The following NCAM1 variants were observed in gnomAD, a reference collection of about 807,000 sequenced individuals.
The protein encoded by NCAM1 is neural cell adhesion molecule 1, also known as antigen recognized by monoclonal antibody 5.1H11.
In NCAM1, 14 loss-of-function variants were observed where a neutral mutation model predicts 109.8. The ratio of observed to expected loss-of-function variants is 0.13; its 90% CI spans 0.08 to 0.20. The LOEUF is 0.20. Among genes scored for constraint, NCAM1 ranks in the 10% least tolerant of loss-of-function variants. The pLI is 1.00. For missense variants in NCAM1, 774 were observed against 1,109.9 expected (o/e 0.70, Z 4.30); for synonymous variants, 418 against 442.9 (o/e 0.94, Z 0.70).
At chr11:113,068,558 G>A (rs565610279) in intron 1 of NCAM1, among the ~76,000 whole-genome samples, 3 of 152,162 alleles carry the variant, frequency 2.0e-5, no homozygotes, top group Non-Finnish European at 4.4e-5. Flanking sequence ...AATCATATAG[G>A]TTGTTCATTT....
At chr11:112,981,532 A>G (rs1951154668) in intron 1 of NCAM1, among the ~76,000 whole-genome samples, 1 of 151,924 alleles carries the variant, frequency 6.6e-6, no homozygotes, top group Non-Finnish European at 1.5e-5. Flanking sequence ...ATGGGATACC[A>G]TAGATACCCC....
At chr11:113,037,078 T>A (rs1197354692) in intron 1 of NCAM1, among the ~76,000 whole-genome samples, 1 of 152,186 alleles carries the variant, frequency 6.6e-6, no homozygotes, top group Non-Finnish European at 1.5e-5. Context: ...AGTCTTTATA[T>A]CTGAGTTTTT....
Position 113,202,397 on chromosome 11 carries a change from T to C in NCAM1, c.71T>C (p.Ile24Thr). 1 of 1,611,114 alleles carries C rather than the reference T, an allele frequency of 6.2e-7. No individual in the cohort carries two copies. The highest frequency in any genetic ancestry group is 8.5e-7 in the Non-Finnish European group (1 of 1,178,034). Residue 24 changes from isoleucine to threonine, a missense_variant, in exon 2 of 20, where the codon ATT becomes ACT. By Grantham distance (89) the Ile-to-Thr change is moderately conservative. This residue lies in a region of NCAM1 where 112 missense variants were observed against 142.0 expected (regional missense o/e 0.79). Coordinates refer to ENST00000316851, the MANE Select transcript of NCAM1 (RefSeq NM_181351.5). ...LGTAVSLQVD[I>T]VPSQGEISVG... is the part of the protein sequence containing the mutation. The stretch of plus-strand genomic sequence containing the variant: ...TTTTCAGTTTCTCTGCAGGTGGATA[T>C]TGTTCCCAGCCAGGGGGAGATCAGC...
intron 1 of NCAM1, among the ~76,000 whole-genome samples, chr11:113,123,251 C>G (rs781914716): frequency 1.3e-5 from 2 of 152,010 alleles, no homozygotes; most frequent in Admixed American, 1.3e-4. Flanking sequence ...ACGTTCCTGG[C>G]GATGGATAAT....
chr11:113,147,850 G>T (rs1354541837), intron 1 of NCAM1, among the ~76,000 whole-genome samples: 1 of 152,040 alleles, frequency 6.6e-6, no homozygotes, highest in Admixed American at 6.6e-5. Flanking sequence ...TCCACATTAC[G>T]CCATGAAAAA....
At chr11:113,245,218 G>C (rs966218108) in intron 14 of NCAM1, among the ~76,000 whole-genome samples, 2 of 152,180 alleles carry the variant, frequency 1.3e-5, no homozygotes, top group Non-Finnish European at 2.9e-5. Context: ...ACTTTGGGAG[G>C]CTGAGGTGGA....
At chr11:113,197,970 A>G (rs1214700539) in intron 1 of NCAM1, among the ~76,000 whole-genome samples, 8 of 152,182 alleles carry the variant, frequency 5.3e-5, no homozygotes, top group Non-Finnish European at 8.8e-5. Context: ...CAAAACATCT[A>G]TCTACACCTG....
At chr11:113,120,436 G>T (rs971075382) in intron 1 of NCAM1, among the ~76,000 whole-genome samples, 1 of 152,164 alleles carries the variant, frequency 6.6e-6, no homozygotes. Context: ...CCTTAATGAA[G>T]GACCTTTAGC....
In NCAM1 at chr11:113,075,849, A is replaced by G. The variant is rs116935031; in HGVS notation, c.52+114185A>G. ...GTTGTTAGGAATCACTAATGAAACA[A>G]TGTCAACTGCAAAGTGCTGTTTAAA... On this transcript the variant is annotated intron_variant, in intron 1 of 19. Transcript: ENST00000316851. Among the ~76,000 whole-genome samples, 782 of 152,338 alleles carry G rather than the reference A, an allele frequency of 5.1e-3. 6 individuals are homozygous for G. Among genetic ancestry groups the G allele is most frequent in the Non-Finnish European group, 8.0e-3 (547 of 68,026 alleles).
At chr11:113,076,315 T>C (rs969725954) in intron 1 of NCAM1, among the ~76,000 whole-genome samples, 1 of 152,226 alleles carries the variant, frequency 6.6e-6, no homozygotes. Flanking sequence ...CACACTCGCA[T>C]TTGTCCATCC....
At chr11:113,242,648 A>G (rs1280067441) in intron 14 of NCAM1, among the ~76,000 whole-genome samples, 9 of 152,194 alleles carry the variant, frequency 5.9e-5, no homozygotes, top group African/African-American at 2.2e-4. Flanking sequence ...TTGATAGAGA[A>G]GAGAGAGAAT....
rs11214462 is a variant in NCAM1, at chr11:113,019,047, C to T, written c.52+57383C>T. On this transcript the variant is annotated intron_variant, in intron 1 of 19. Coordinates refer to ENST00000316851, the MANE Select transcript of NCAM1 (RefSeq NM_181351.5). Reference sequence around the variant, plus strand: ...GTCATAGATGAGAGGATCCCTTCCACGTGAAATGCCCCAAATGAAGTGTGA... The same window carrying T: ...GTCATAGATGAGAGGATCCCTTCCATGTGAAATGCCCCAAATGAAGTGTGA... Among the ~76,000 whole-genome samples the T allele has an allele frequency of 1.3e-3, 205 of 152,152 alleles. 2 individuals are homozygous for T. Among genetic ancestry groups the T allele is most frequent in the African/African-American group, 4.7e-3 (197 of 41,526 alleles).
intron 1 of NCAM1, among the ~76,000 whole-genome samples, chr11:113,135,297 T>C (rs992909410): frequency 1.6e-4 from 25 of 152,280 alleles, no homozygotes; most frequent in African/African-American, 3.6e-4. Flanking sequence ...TTTTTTTAAA[T>C]GTCATCTGTA....
At chr11:113,208,925 C>G (rs1167531303) in intron 7 of NCAM1, among the ~76,000 whole-genome samples, 2 of 152,228 alleles carry the variant, frequency 1.3e-5, no homozygotes, top group East Asian at 3.8e-4. Flanking sequence ...CTTCCCTGAC[C>G]TGTGCAAAAC....
At chr11:113,038,887 G>A (rs1218606510) in intron 1 of NCAM1, among the ~76,000 whole-genome samples, 1 of 152,148 alleles carries the variant, frequency 6.6e-6, no homozygotes, top group Non-Finnish European at 1.5e-5. Flanking sequence ...TGCTTTCTTG[G>A]GAGAAACGAG....
intron 1 of NCAM1, among the ~76,000 whole-genome samples, chr11:113,076,394 T>C (rs1938527016): frequency 6.6e-6 from 1 of 152,152 alleles, no homozygotes; most frequent in Non-Finnish European, 1.5e-5. Context: ...CCCAAATGCA[T>C]AGCCATGGCC....
intron 1 of NCAM1, among the ~76,000 whole-genome samples, chr11:113,057,713 G>A (rs377534552): frequency 6.6e-6 from 1 of 152,182 alleles, no homozygotes; most frequent in Non-Finnish European, 1.5e-5. Flanking sequence ...TAGTTTCCTA[G>A]CATGAGTAAC....
At position 113,072,492 on chromosome 11, in the gene NCAM1, GA is replaced by G. The variant is rs546817353; in HGVS notation, c.52+110837del. 8.0e-5 allele frequency among the ~76,000 whole-genome samples: 12 copies of G among 150,936 alleles called. No homozygotes were observed. In the South Asian group the frequency reaches 1.5e-3, roughly 19 times the overall value. On this transcript the variant is annotated intron_variant, in intron 1 of 19. Coordinates refer to ENST00000316851, the MANE Select transcript of NCAM1 (RefSeq NM_181351.5). The stretch of plus-strand genomic sequence containing the variant: ...GTGGTGCTTGGGATAACTAGAGAGA[GA>G]AAAAAAAAGCCAAATAAATCTAGAC...
chr11:113,221,463 C>G, intron 9 of NCAM1, 138 bp downstream of exon 9: 1 of 851,906 alleles, frequency 1.2e-6, no homozygotes, highest in South Asian at 1.7e-5. Context: ...GTAGACATTA[C>G]TTAGCAATAG....
Sources: allele counts gnomAD v4.1 joint callset (sites outside exome capture counted in the v4.1 genomes callset), GRCh38; gene constraint gnomAD v4.1.1; regional missense constraint gnomAD v4.1.1; transcripts MANE v1.5; gene names NCBI Gene and HGNC (gene_info 2026-07-23, HGNC 2026-07-21).